MYT1: variants seen among roughly 807,000 people sequenced by gnomAD.
MYT1 encodes the protein myelin transcription factor 1.
MYT1 carries 23 observed loss-of-function variants against 123.0 expected under a neutral mutation model. The observed-to-expected ratio is 0.19, with a 90% CI of 0.13 to 0.26. MYT1 has a LOEUF of 0.26. Ranked by LOEUF, MYT1 falls within the 10% of genes least tolerant of loss-of-function variation. MYT1 has a pLI of 1.00. For missense variants in MYT1, 1,125 were observed against 1,472.5 expected (o/e 0.76, Z 3.86); for synonymous variants, 518 against 575.3 (o/e 0.90, Z 1.43).
intron 16 of MYT1, 75 bp from the exon 17 acceptor site, chr20:64,227,340 C>A: frequency 6.9e-7 from 1 of 1,439,608 alleles, no homozygotes; most frequent in Non-Finnish European, 9.6e-7. Flanking sequence ...AGGCTTTCCT[C>A]TGGGGGTCCC....
chr20:64,218,606 G>A lies in MYT1; in HGVS notation c.1847-305G>A, dbSNP rs2145723481. ...CTCCTTTTGCCCAAATTTTCACTGA[G>A]CCAGAAACAAGATTGTCTCCTCAGT... On this transcript the variant is annotated intron_variant, in intron 11 of 22. Coordinates refer to ENST00000328439, the MANE Select transcript of MYT1 (RefSeq NM_004535.3). The surrounding 1 kb of genome is among the most constrained non-coding windows in gnomAD (Gnocchi z 4.0). Among the ~76,000 whole-genome samples, 1 of 152,288 alleles carries A rather than the reference G, an allele frequency of 6.6e-6. No individual in the cohort carries two copies. Among genetic ancestry groups the A allele is most frequent in the East Asian group, 1.9e-4 (1 of 5,174 alleles).
At chr20:64,181,278 C>T (rs1018356227) in intron 1 of MYT1, among the ~76,000 whole-genome samples, 4 of 151,994 alleles carry the variant, frequency 2.6e-5, no homozygotes, top group South Asian at 2.1e-4. Flanking sequence ...CTTTAGTTCT[C>T]GGAAAATTTT....
In MYT1 at chr20:64,213,403, G is replaced by T; in HGVS notation, c.1518-131G>T. On this transcript the variant is annotated intron_variant, in intron 9 of 22. Transcript: ENST00000328439. The surrounding 1 kb of genome is among the most constrained non-coding windows in gnomAD (Gnocchi z 5.6). ...ATGACAGGGTTATTCCCGGCTCTGG[G>T]CTTCTCTGGAGTTCACCTGGAGTTC... 1.5e-6 allele frequency: 1 copy of T among 650,566 alleles called. No individual in the cohort carries two copies. Among genetic ancestry groups the T allele is most frequent in the Non-Finnish European group, 2.7e-6 (1 of 368,592 alleles). The allele number at this position is 650,566 out of a possible 1,614,324, so 40.3% of individuals were successfully genotyped here.
intron 20 of MYT1, among the ~76,000 whole-genome samples, chr20:64,237,085 C>T (rs1984574636): frequency 6.6e-6 from 1 of 152,190 alleles, no homozygotes; most frequent in South Asian, 2.1e-4. Flanking sequence ...ACTATAAACA[C>T]TCATCTCACA....
intron 1 of MYT1, among the ~76,000 whole-genome samples, chr20:64,181,823 C>T (rs1164677487): frequency 6.6e-6 from 1 of 152,166 alleles, no homozygotes; most frequent in African/African-American, 2.4e-5. Flanking sequence ...GATGCTGGAC[C>T]TAGTATTTCT....
At chr20:64,173,646 T>C (rs550785) in intron 1 of MYT1, among the ~76,000 whole-genome samples, 486 of 75,140 alleles carry the variant, frequency 6.5e-3, no homozygotes, top group South Asian at 0.019. Context: ...GCATCTTTCC[T>C]TGTAGTTGTG....
intron 1 of MYT1, among the ~76,000 whole-genome samples, chr20:64,182,645 T>C (rs1185362263): frequency 6.6e-6 from 1 of 152,090 alleles, no homozygotes; most frequent in African/African-American, 2.4e-5. Flanking sequence ...GCATGACCCA[T>C]CCTCCTGTTG....
rs1983751366 is a variant in MYT1, at chr20:64,213,685, C to G, written c.1631+38C>G. ...AGCCACAGAACTGAAGAGGCTGCCTCCCAAATGCCTGCAGAGGGCTTCTCA... is the reference window on the plus strand; with the variant it reads ...AGCCACAGAACTGAAGAGGCTGCCTGCCAAATGCCTGCAGAGGGCTTCTCA... On this transcript the variant is annotated intron_variant, in intron 10 of 22. Transcript: ENST00000328439. This position sits in a 1 kb window ranked among gnomAD's most constrained non-coding sequence, Gnocchi z 5.6. 3 of 1,556,286 alleles carry G rather than the reference C, an allele frequency of 1.9e-6. No individual in the cohort carries two copies. The highest frequency in any genetic ancestry group is 2.7e-6 in the Non-Finnish European group (3 of 1,129,534).
chr20:64,167,397 G>A lies in MYT1; in HGVS notation c.-99+2658G>A, dbSNP rs1982115738. ...CTGTCGGGGCTCAGGGTGGGGATGA[G>A]ACCGGGAACAACCAGAACACTTTGG... On this transcript the variant is annotated intron_variant, in intron 1 of 22. Coordinates refer to ENST00000328439, the MANE Select transcript of MYT1 (RefSeq NM_004535.3). This position sits in a 1 kb window ranked among gnomAD's most constrained non-coding sequence, Gnocchi z 6.3. Among the ~76,000 whole-genome samples, 1 of 152,202 alleles carries A rather than the reference G, an allele frequency of 6.6e-6. No homozygotes were observed. The highest frequency in any genetic ancestry group is 2.1e-4 in the South Asian group (1 of 4,830).
intron 11 of MYT1, among the ~76,000 whole-genome samples, 189 bp downstream of exon 11, chr20:64,217,470 G>T (rs1419383105): frequency 6.6e-6 from 1 of 152,196 alleles, no homozygotes; most frequent in Non-Finnish European, 1.5e-5. Flanking sequence ...CTTTCTTGGG[G>T]CCTGCATCTC....
rs1477265355 is a variant in MYT1 at position 64,217,508 on chromosome 20, A to G, written c.1846+227A>G. ...TCCTGCTGCCACCTTCATGTTCACC[A>G]TTAACATTTATGTGTCTCCTAGTTA... On this transcript the variant is annotated intron_variant, in intron 11 of 22. Coordinates refer to ENST00000328439, the MANE Select transcript of MYT1 (RefSeq NM_004535.3). Among the ~76,000 whole-genome samples the G allele has an allele frequency of 3.9e-5, 6 of 152,306 alleles. No individual in the cohort carries two copies. In the South Asian group the frequency reaches 8.3e-4, roughly 21 times the overall value.
In MYT1 at chr20:64,240,358, C is replaced by T. The variant is rs750656086; in HGVS notation, c.3276C>T (p.Ser1092=). The change falls in exon 23 of 23, where the codon AGC becomes AGT. Residue 1092 remains serine, a synonymous_variant. Coordinates refer to ENST00000328439, the MANE Select transcript of MYT1 (RefSeq NM_004535.3). ...ICEQNFDAYV[S]TLTDMYSNQD... Reference sequence around the variant, plus strand: ...AACAGAATTTCGATGCCTATGTGAGCACCCTCACCGACATGTACTCCAACC... The same window carrying T: ...AACAGAATTTCGATGCCTATGTGAGTACCCTCACCGACATGTACTCCAACC... The T allele has an allele frequency of 4.3e-6, 7 of 1,614,078 alleles. No individual in the cohort carries two copies. In the South Asian group the frequency reaches 7.7e-5, roughly 18 times the overall value.
At chr20:64,198,598 C>A (rs1304220956) in intron 2 of MYT1, among the ~76,000 whole-genome samples, 1 of 152,226 alleles carries the variant, frequency 6.6e-6, no homozygotes, top group Non-Finnish European at 1.5e-5. Flanking sequence ...GGGCACGGTG[C>A]ACTGTACCCT....
intron 12 of MYT1, 42 bp from the exon 13 acceptor site, chr20:64,219,671 A>T (rs766380353): frequency 1.3e-6 from 2 of 1,536,424 alleles, no homozygotes; most frequent in Non-Finnish European, 1.8e-6. Flanking sequence ...CACACATGGG[A>T]AGGGATGGAA....
intron 1 of MYT1, among the ~76,000 whole-genome samples, chr20:64,172,102 A>G (rs561695813): frequency 3.5e-4 from 54 of 152,204 alleles, no homozygotes; most frequent in African/African-American, 7.7e-4. Flanking sequence ...GTTTTCCCCA[A>G]ATGTGTTCTG....
At chr20:64,195,149 C>G (rs555941230) in intron 2 of MYT1, among the ~76,000 whole-genome samples, 1 of 152,042 alleles carries the variant, frequency 6.6e-6, no homozygotes, top group Non-Finnish European at 1.5e-5. Flanking sequence ...CCACCATGCC[C>G]GGCCCTGTTT....
chr20:64,239,122 C>T (rs1010043824), intron 21 of MYT1, among the ~76,000 whole-genome samples: 2 of 152,206 alleles, frequency 1.3e-5, no homozygotes, highest in African/African-American at 2.4e-5. Context: ...GGGGGCTATT[C>T]CTGGACACCA....
intron 16 of MYT1, among the ~76,000 whole-genome samples, chr20:64,224,593 C>T (rs551158264): frequency 2.5e-4 from 38 of 152,348 alleles, no homozygotes; most frequent in Non-Finnish European, 3.2e-4. Flanking sequence ...GAGATCACCA[C>T]AGCAGCTGCA....
rs1983546996 is a variant in MYT1 at position 64,208,051 on chromosome 20, G to A, written c.855G>A (p.Glu285=). The A allele has an allele frequency of 1.9e-6, 3 of 1,602,044 alleles. No individual in the cohort carries two copies. Among genetic ancestry groups the A allele is most frequent in the Non-Finnish European group, 2.6e-6 (3 of 1,174,998 alleles). ...EEEEEEEEEE[E]EEEEEEEEEE... is the part of the protein sequence containing the mutation. ...AGGAAGAGGAAGAGGAGGAGGAAGA[G>A]GAAGAGGAGGAGGAGGAAGAGGAAG... Residue 285 remains glutamate (E), a synonymous_variant, in exon 7 of 23, where the codon GAG becomes GAA. Transcript: ENST00000328439. This position sits in a 1 kb window ranked among gnomAD's most constrained non-coding sequence, Gnocchi z 5.4.
Sources: gnomAD v4.1 joint callset for allele counts (sites outside exome capture counted in the v4.1 genomes callset) on GRCh38, gnomAD v4.1.1 for gene constraint, Gnocchi (gnomAD v3.1) non-coding constraint, MANE v1.5 for transcripts, NCBI Gene and HGNC (gene_info 2026-07-23, HGNC 2026-07-21) for gene names.